SLC24A2: variants seen among roughly 807,000 people sequenced by gnomAD.
SLC24A2 encodes solute carrier family 24 member 2.
SLC24A2 carries 36 observed loss-of-function variants against 62.0 expected under a neutral mutation model. The observed-to-expected ratio is 0.58, with a 90% CI of 0.44 to 0.77. The LOEUF (loss-of-function observed/expected upper bound fraction) is 0.77. Ranked by LOEUF, SLC24A2 falls within the 30% of genes least tolerant of loss-of-function variation. SLC24A2 has a pLI of 0.00. For missense variants in SLC24A2, 846 were observed against 817.9 expected (o/e 1.03, Z -0.42); for synonymous variants, 358 against 294.0 (o/e 1.22, Z -2.23).
At chr9:19,747,084 G>T (rs1439298212) in intron 2 of SLC24A2, among the ~76,000 whole-genome samples, 1 of 151,958 alleles carries the variant, frequency 6.6e-6, no homozygotes, top group African/African-American at 2.4e-5. Flanking sequence ...ACTCAAAATG[G>T]CATACAGAAT....
intron 2 of SLC24A2, among the ~76,000 whole-genome samples, chr9:19,695,328 G>T (rs1820156501): frequency 6.6e-6 from 1 of 151,978 alleles, no homozygotes; most frequent in African/African-American, 2.4e-5. Context: ...ACTCACACAG[G>T]ACTTCCAAAG....
chr9:19,642,986 C>CT lies in SLC24A2; in HGVS notation c.931-20688dup, dbSNP rs71335441. Among the ~76,000 whole-genome samples the CT allele has an allele frequency of 1.8e-3, 224 of 125,288 alleles. 1 individual carries two copies. The highest frequency in any genetic ancestry group is 0.013 in the Middle Eastern group (3 of 228). The allele number at this position is 125,288 out of a possible 152,430, so 82.2% of individuals were successfully genotyped here. On this transcript the variant is annotated intron_variant, in intron 2 of 10. Coordinates refer to ENST00000341998, the MANE Select transcript of SLC24A2 (RefSeq NM_020344.4). Reference sequence around the variant, plus strand: ...TGAGCCACCGTGCCTGGCCAGTATTCTTTTTTTTTTTTTTTTTTTTTTAAC... The same window carrying CT: ...TGAGCCACCGTGCCTGGCCAGTATTCTTTTTTTTTTTTTTTTTTTTTTTAAC...
At chr9:19,888,769 T>C in the SLC24A2 span, among the ~76,000 whole-genome samples, 1 of 152,138 alleles carries the variant, frequency 6.6e-6, no homozygotes, top group Non-Finnish European at 1.5e-5. Context: ...CTGAAGTTGC[T>C]ATAGATCAAC....
the SLC24A2 span, among the ~76,000 whole-genome samples, chr9:19,977,423 G>T: frequency 6.6e-6 from 1 of 152,176 alleles, no homozygotes; most frequent in African/African-American, 2.4e-5. Flanking sequence ...AAACCAGAGT[G>T]GGGTCTTGAG....
rs1554690322 is a variant in SLC24A2 at position 19,636,281 on chromosome 9, C to CTCTTCTTTTCTT, written c.931-13983_931-13982insAAGAAAAGAAGA. Among the ~76,000 whole-genome samples, 39 of 74,084 alleles carry CTCTTCTTTTCTT rather than the reference C, an allele frequency of 5.3e-4. 2 individuals are homozygous for CTCTTCTTTTCTT. Among genetic ancestry groups the CTCTTCTTTTCTT allele is most frequent in the Non-Finnish European group, 9.3e-4 (33 of 35,610 alleles). 48.6% of individuals were successfully genotyped at this position (74,084 alleles called of 152,430 possible). ...TTTTCTTTTCTTCTCTTCTTCTCTT[C>CTCTTCTTTTCTT]TTCTCTTCTTTTCTTTTCTTTTCTT... On this transcript the variant is annotated intron_variant, in intron 2 of 10. Coordinates refer to ENST00000341998, the MANE Select transcript of SLC24A2 (RefSeq NM_020344.4).
At chr9:20,044,489 T>G in the SLC24A2 span, among the ~76,000 whole-genome samples, 1 of 152,140 alleles carries the variant, frequency 6.6e-6, no homozygotes, top group Non-Finnish European at 1.5e-5. Flanking sequence ...GGCAGGGTTG[T>G]GCTCATGGCT....
intron 2 of SLC24A2, among the ~76,000 whole-genome samples, chr9:19,643,948 T>C (rs928772251): frequency 2.0e-5 from 3 of 152,238 alleles, no homozygotes; most frequent in African/African-American, 7.2e-5. Context: ...ACTGAAGGTA[T>C]TGAGATCACT....
the SLC24A2 span, among the ~76,000 whole-genome samples, chr9:19,930,593 T>G: frequency 6.6e-6 from 1 of 152,230 alleles, no homozygotes; most frequent in Admixed American, 6.5e-5. Flanking sequence ...TTTCAATCTT[T>G]CTTAGGACAA....
At chr9:20,117,978 T>A in the SLC24A2 span, among the ~76,000 whole-genome samples, 12 of 152,130 alleles carry the variant, frequency 7.9e-5, no homozygotes, top group African/African-American at 2.7e-4. Flanking sequence ...AGAGTCTGAC[T>A]GACTCTAGGG....
the SLC24A2 span, among the ~76,000 whole-genome samples, chr9:19,881,311 C>A: frequency 6.6e-6 from 1 of 152,030 alleles, no homozygotes; most frequent in African/African-American, 2.4e-5. Context: ...CAAATAGTGT[C>A]CCCAGAAGTC....
Position 19,560,897 on chromosome 9 carries a change from G to GTA in SLC24A2, c.1348-10631_1348-10630dup, listed in dbSNP as rs1194433228. Among the ~76,000 whole-genome samples, 879 of 128,294 alleles carry GTA rather than the reference G, an allele frequency of 6.9e-3. 8 individuals are homozygous for GTA. The highest frequency in any genetic ancestry group is 0.011 in the Non-Finnish European group (650 of 58,440). 84.2% of individuals were successfully genotyped at this position (128,294 alleles called of 152,430 possible). A position where few individuals can be genotyped will look rare whatever the true frequency, so the allele number is the denominator to read the frequency against. On this transcript the variant is annotated intron_variant, in intron 7 of 10. Coordinates refer to ENST00000341998, the MANE Select transcript of SLC24A2 (RefSeq NM_020344.4). ...TTTGCATTTGTGTGTGTGTGTGTGT[G>GTA]TATATATATATATATATATAGAGAG...
chr9:19,827,651 C>T, the SLC24A2 span, among the ~76,000 whole-genome samples: 2 of 152,104 alleles, frequency 1.3e-5, no homozygotes, highest in Non-Finnish European at 2.9e-5. Context: ...CTACCTCCCT[C>T]CCTCATTCTG....
At chr9:20,057,906 C>G in the SLC24A2 span, among the ~76,000 whole-genome samples, 2 of 152,174 alleles carry the variant, frequency 1.3e-5, no homozygotes, top group Admixed American at 6.5e-5. Flanking sequence ...ACTACATCAT[C>G]TGACTGCAGT....
chr9:19,673,344 T>C lies in SLC24A2; in HGVS notation c.931-51045A>G, dbSNP rs894122510. ...GCTTTAAAGTTTGTTTTGTCTTATGTAAGAATAGCTACTCCTGTTTGCTTT... is the reference window on the plus strand; with the variant it reads ...GCTTTAAAGTTTGTTTTGTCTTATGCAAGAATAGCTACTCCTGTTTGCTTT... On this transcript the variant is annotated intron_variant, in intron 2 of 10. Coordinates refer to ENST00000341998, the MANE Select transcript of SLC24A2 (RefSeq NM_020344.4). Among the ~76,000 whole-genome samples the C allele has an allele frequency of 4.8e-5, 7 of 146,628 alleles. 1 individual carries two copies. Among genetic ancestry groups the C allele is most frequent in the Admixed American group, 4.7e-4 (7 of 15,030 alleles).
chr9:19,567,022 T>C (rs775441143), intron 7 of SLC24A2, among the ~76,000 whole-genome samples: 3 of 152,042 alleles, frequency 2.0e-5, no homozygotes, highest in Non-Finnish European at 2.9e-5. Context: ...GGCGAGTTAA[T>C]GGCTGCGGCA....
At chr9:20,196,053 G>T in the SLC24A2 span, among the ~76,000 whole-genome samples, 1 of 152,054 alleles carries the variant, frequency 6.6e-6, no homozygotes, top group Non-Finnish European at 1.5e-5. Context: ...AATATAATTT[G>T]ATATAAACGT....
chr9:19,544,380 T>C (rs1477392196), intron 8 of SLC24A2, among the ~76,000 whole-genome samples: 2 of 152,028 alleles, frequency 1.3e-5, no homozygotes, highest in Admixed American at 6.6e-5. Context: ...TTGACGCTTA[T>C]CCAATTTGCC....
chr9:20,152,414 A>G, the SLC24A2 span, among the ~76,000 whole-genome samples: 1 of 151,904 alleles, frequency 6.6e-6, no homozygotes, highest in East Asian at 1.9e-4. Context: ...TAGTAAATCA[A>G]CTTTTCAGCC....
the SLC24A2 span, among the ~76,000 whole-genome samples, chr9:20,292,797 C>A: frequency 6.6e-6 from 1 of 152,152 alleles, no homozygotes; most frequent in East Asian, 1.9e-4. Context: ...CCCACCTTGC[C>A]CAGGCTAGTC....
Sources: gnomAD v4.1 joint callset for allele counts (sites outside exome capture counted in the v4.1 genomes callset) on GRCh38, gnomAD v4.1.1 for gene constraint, MANE v1.5 for transcripts, NCBI Gene and HGNC (gene_info 2026-07-23, HGNC 2026-07-21) for gene names.